The following CHD1L variants were observed in gnomAD, a reference collection of about 807,000 sequenced individuals.
CHD1L encodes the protein ATP-dependent chromatin remodeler CHD1L.
Under a neutral mutation model 115.9 loss-of-function variants are expected in CHD1L, and 118 were observed. The observed-to-expected ratio is 1.02, with a 90% CI of 0.88 to 1.19. The LOEUF (loss-of-function observed/expected upper bound fraction) is 1.19, where lower values mean the gene tolerates loss of function less well. Ranked by LOEUF, CHD1L falls within the 50% of genes most tolerant of loss-of-function variation. The pLI is 0.00. For missense variants in CHD1L, 1,179 were observed against 1,065.3 expected (o/e 1.11, Z -1.49); for synonymous variants, 411 against 387.1 (o/e 1.06, Z -0.72).
intron 20 of CHD1L, 42 bp downstream of exon 20, chr1:147,291,594 ACAT>A (rs1685553159): frequency 6.6e-7 from 1 of 1,520,374 alleles, no homozygotes; most frequent in African/African-American, 1.4e-5. Context: ...AAGTGGACTC[ACAT>A]CAACTTCTCT....
intron 19 of CHD1L, among the ~76,000 whole-genome samples, chr1:147,288,377 G>A (rs988530798): frequency 1.5e-5 from 2 of 134,610 alleles, no homozygotes; most frequent in Non-Finnish European, 3.2e-5. Flanking sequence ...TAAACATGAA[G>A]GAATATGTCA....
At chr1:147,184,341 A>G in the CHD1L span, 1 of 817,640 alleles carries the variant, frequency 1.2e-6, no homozygotes. This position sits in a 1 kb window ranked among gnomAD's most constrained non-coding sequence, Gnocchi z 4.4. Flanking sequence ...TTGACATTTT[A>G]CATTCCTCTG....
the CHD1L span, among the ~76,000 whole-genome samples, chr1:147,190,493 C>T: frequency 3.3e-5 from 5 of 152,160 alleles, no homozygotes; most frequent in South Asian, 8.3e-4. Flanking sequence ...CCAACCAATA[C>T]CTGCCTCCTC....
At chr1:147,205,881 A>G in the CHD1L span, among the ~76,000 whole-genome samples, 3 of 152,180 alleles carry the variant, frequency 2.0e-5, no homozygotes, top group East Asian at 5.8e-4. Flanking sequence ...CTAAAACACC[A>G]AAAGCCATGG....
chr1:147,195,478 T>G, the CHD1L span, among the ~76,000 whole-genome samples: 9 of 152,124 alleles, frequency 5.9e-5, no homozygotes, highest in Non-Finnish European at 1.5e-5. Flanking sequence ...CTGTGGAAGA[T>G]AAGCTTCATT....
chr1:147,288,326 A>T (rs112973313), intron 19 of CHD1L, among the ~76,000 whole-genome samples: 1 of 1,796 alleles, frequency 5.6e-4, no homozygotes, highest in South Asian at 0.056. Context: ...CTGTTTCAAT[A>T]AAAAAAAAAA....
chr1:147,228,624 CA>C, the CHD1L span, among the ~76,000 whole-genome samples: 31 of 152,060 alleles, frequency 2.0e-4, no homozygotes, highest in Non-Finnish European at 4.1e-4. Context: ...ACAGTCCCAC[CA>C]ACAGTGTAAA....
At chr1:147,206,809 TGTAAATGACAAGTTAATG>T in the CHD1L span, among the ~76,000 whole-genome samples, 1 of 29,048 alleles carries the variant, frequency 3.4e-5, no homozygotes, top group African/African-American at 8.8e-4. Flanking sequence ...ATATATCTGA[TGTAAATGACAAGTTAATG>T]GATGTAAATG....
chr1:147,204,323 C>G, the CHD1L span: 1 of 961,762 alleles, frequency 1.0e-6, no homozygotes, highest in Non-Finnish European at 1.7e-6. Flanking sequence ...ATTTTACAAA[C>G]TCTGATGTTA....
the CHD1L span, among the ~76,000 whole-genome samples, chr1:147,205,803 C>T: frequency 1.3e-5 from 2 of 151,936 alleles, no homozygotes; most frequent in Admixed American, 6.6e-5. Flanking sequence ...GACCTAAAAC[C>T]ATAAAAACCC....
the CHD1L span, among the ~76,000 whole-genome samples, chr1:147,176,780 C>G: frequency 8.9e-4 from 135 of 152,188 alleles, no homozygotes; most frequent in African/African-American, 3.0e-3. Flanking sequence ...GCTGCCAACT[C>G]TAAAATTATT....
intron 10 of CHD1L, among the ~76,000 whole-genome samples, chr1:147,269,710 A>G (rs587685937): frequency 1.2e-3 from 189 of 151,282 alleles, no homozygotes; most frequent in African/African-American, 4.3e-3. Flanking sequence ...TTAGTGTTCA[A>G]CAGCCATGTG....
At chr1:147,184,507 C>T in the CHD1L span, 1 of 1,544,508 alleles carries the variant, frequency 6.5e-7, no homozygotes, top group Non-Finnish European at 8.7e-7. This position sits in a 1 kb window ranked among gnomAD's most constrained non-coding sequence, Gnocchi z 4.4. Context: ...TCTCCTTAGG[C>T]CCCTTTATTC....
intron 15 of CHD1L, among the ~76,000 whole-genome samples, chr1:147,281,802 T>C (rs961733809): frequency 6.6e-6 from 1 of 151,750 alleles, no homozygotes; most frequent in Admixed American, 6.6e-5. Flanking sequence ...AAAAAATATA[T>C]ATATATTTAT....
Position 147,284,425 on chromosome 1 carries a change from C to T in CHD1L, c.1780C>T (p.Gln594Ter). The change falls in exon 16 of 23, where the codon CAA becomes TAA. Residue 594 changes from glutamine (Q) to a stop codon, truncating the protein, a stop_gained. Transcript: ENST00000369258. LOFTEE classifies it high-confidence loss of function. ...TAAGGAAGACAGAAAATCATTTGAACAACTGGTAAACCTTCAGAAAACCCT... is the reference window on the plus strand; with the variant it reads ...TAAGGAAGACAGAAAATCATTTGAATAACTGGTAAACCTTCAGAAAACCCT... ...PSKEDRKSFE[Q>*]LVNLQKTLLE... 6.2e-7 allele frequency: 1 copy of T among 1,611,900 alleles called. No homozygotes were observed. Among genetic ancestry groups the T allele is most frequent in the Middle Eastern group, 1.7e-4 (1 of 6,054 alleles).
At chr1:147,286,571 G>C in intron 18 of CHD1L, 71 bp downstream of exon 18, 1 of 1,405,794 alleles carries the variant, frequency 7.1e-7, no homozygotes, top group Non-Finnish European at 1.0e-6. Flanking sequence ...GGAGGATGGG[G>C]CACTGGGACT....
chr1:147,199,307 G>A, the CHD1L span, among the ~76,000 whole-genome samples: 1 of 152,102 alleles, frequency 6.6e-6, no homozygotes, highest in Non-Finnish European at 1.5e-5. Context: ...GGAAGAGAAA[G>A]GCAAGAATGT....
chr1:147,268,992 T>A, intron 10 of CHD1L, 114 bp downstream of exon 10: 1 of 650,622 alleles, frequency 1.5e-6, no homozygotes, highest in Non-Finnish European at 2.6e-6. Context: ...TTCTTAACAC[T>A]GATTCAGGTT....
At chr1:147,247,088 A>G (rs1553934176) in intron 1 of CHD1L, among the ~76,000 whole-genome samples, 2 of 152,304 alleles carry the variant, frequency 1.3e-5, no homozygotes, top group East Asian at 1.9e-4. Flanking sequence ...CTGTTTAGAA[A>G]GAAGTGTGTT....
Sources: gnomAD v4.1 joint callset for allele counts (sites outside exome capture counted in the v4.1 genomes callset) on GRCh38, gnomAD v4.1.1 for gene constraint, Gnocchi (gnomAD v3.1) non-coding constraint, MANE v1.5 for transcripts, NCBI Gene and HGNC (gene_info 2026-07-23, HGNC 2026-07-21) for gene names.